Variants in MAN2A1 observed in about 807,000 individuals in gnomAD.
The protein encoded by MAN2A1 is mannosidase alpha class 2A member 1.
Under a neutral mutation model 142.6 loss-of-function variants are expected in MAN2A1, and 76 were observed. That is an observed-to-expected ratio of 0.53 (90% CI 0.44 to 0.65). MAN2A1 has a LOEUF of 0.65. Among genes scored for constraint, MAN2A1 ranks in the 30% least tolerant of loss-of-function variants. MAN2A1 has a pLI of 0.00. For synonymous variants in MAN2A1, 559 were observed against 473.2 expected (o/e 1.18, Z -2.35); for missense variants, 1,311 against 1,365.1 (o/e 0.96, Z 0.62).
chr5:109,693,288 A>C (rs1288571269), intron 1 of MAN2A1, among the ~76,000 whole-genome samples: 1 of 150,942 alleles, frequency 6.6e-6, no homozygotes. Flanking sequence ...TTTTTTTTTC[A>C]CTGCTTCTAA....
chr5:109,707,590 A>T (rs1751170619), intron 1 of MAN2A1, among the ~76,000 whole-genome samples: 1 of 152,206 alleles, frequency 6.6e-6, no homozygotes, highest in East Asian at 1.9e-4. Context: ...ATAAATTGAG[A>T]TAAACCATAA....
At chr5:109,796,150 C>T (rs748896620) in intron 12 of MAN2A1, among the ~76,000 whole-genome samples, 2 of 152,070 alleles carry the variant, frequency 1.3e-5, no homozygotes, top group Admixed American at 6.6e-5. Context: ...TAAATGTTGG[C>T]GAGATGACTG....
chr5:109,867,132 C>A lies in MAN2A1; in HGVS notation c.*134C>A. The A allele has an allele frequency of 1.1e-4, 25 of 229,964 alleles. No homozygotes were observed. Among genetic ancestry groups the A allele is most frequent in the East Asian group, 1.7e-4 (2 of 11,786 alleles). The allele number at this position is 229,964 out of a possible 1,614,324, so 14.2% of individuals were successfully genotyped here. On this transcript the variant is annotated 3_prime_UTR_variant, in exon 22 of 22. Transcript: ENST00000261483. ...AATTCTGTGATTCTGTGGGTTTTTT[C>A]TTTTTTCTTTTACCAGTACAGTAAG...
At position 109,820,490 on chromosome 5, in the gene MAN2A1, TG is replaced by T. The variant is rs2112726140; in HGVS notation, c.2451+149del. 5.6e-6 allele frequency: 4 copies of T among 718,340 alleles called. No homozygotes were observed. In the East Asian group the frequency reaches 1.1e-4, roughly 20 times the overall value. The allele number at this position is 718,340 out of a possible 1,614,324, so 44.5% of individuals were successfully genotyped here. The stretch of plus-strand genomic sequence containing the variant: ...GTTGCAGTATTATCTATCACCTTAT[TG>T]ATACTTAGCAATTTGTAGTCGAAAG... On this transcript the variant is annotated intron_variant, in intron 15 of 21. Transcript: ENST00000261483.
intron 5 of MAN2A1, 102 bp downstream of exon 5, chr5:109,755,558 A>AG: frequency 1.2e-6 from 1 of 859,660 alleles, no homozygotes; most frequent in Non-Finnish European, 1.8e-6. Flanking sequence ...TTTCCCTGTT[A>AG]GTCATTATTG....
rs372240874 is a variant in MAN2A1 at position 109,736,376 on chromosome 5, G to A, written c.707+6863G>A. 6.6e-5 allele frequency among the ~76,000 whole-genome samples: 10 copies of A among 152,174 alleles called. No homozygotes were observed. The South Asian group carries it at 8.3e-4, about 13-fold the overall frequency. On this transcript the variant is annotated intron_variant, in intron 4 of 21. Transcript: ENST00000261483. ...GATTAAGTTTTAAATTTTTTGTCAA[G>A]TGCAGTGGCTAATGGCTATAATCTC...
At chr5:109,823,412 C>T (rs1580289498) in intron 15 of MAN2A1, among the ~76,000 whole-genome samples, 1 of 152,222 alleles carries the variant, frequency 6.6e-6, no homozygotes, top group South Asian at 2.1e-4. Flanking sequence ...AGAATGATTG[C>T]TGTTTCTAAT....
In MAN2A1 at chr5:109,796,835, C is replaced by T. The variant is rs7736319; in HGVS notation, c.1943+7308C>T. ...CTATTATTCACCCACTCTTTTTCTC[C>T]ATCACTGAATCCTCTTTACATCCTT... On this transcript the variant is annotated intron_variant, in intron 12 of 21. Coordinates refer to ENST00000261483, the MANE Select transcript of MAN2A1 (RefSeq NM_002372.4). Among the ~76,000 whole-genome samples the T allele has an allele frequency of 3.2e-3, 493 of 152,270 alleles. 2 individuals are homozygous for T. The highest frequency in any genetic ancestry group is 0.011 in the African/African-American group (451 of 41,556).
At chr5:109,697,505 A>G (rs1750847879) in intron 1 of MAN2A1, among the ~76,000 whole-genome samples, 1 of 152,196 alleles carries the variant, frequency 6.6e-6, no homozygotes, top group South Asian at 2.1e-4. Context: ...TCAGCTAACT[A>G]TGAGTGAAAT....
chr5:109,724,211 A>AT (rs999733359), intron 3 of MAN2A1, among the ~76,000 whole-genome samples: 7 of 152,142 alleles, frequency 4.6e-5, no homozygotes, highest in African/African-American at 1.2e-4. Context: ...CCTGTTCGTC[A>AT]TTTTTTCATA....
intron 12 of MAN2A1, among the ~76,000 whole-genome samples, chr5:109,815,148 T>C (rs965025892): frequency 7.2e-5 from 11 of 152,222 alleles, no homozygotes; most frequent in African/African-American, 2.7e-4. Flanking sequence ...CTTAGAAATA[T>C]AGGACAGTCC....
At chr5:109,746,188 T>C (rs180917756) in intron 4 of MAN2A1, among the ~76,000 whole-genome samples, 43 of 152,300 alleles carry the variant, frequency 2.8e-4, no homozygotes. Flanking sequence ...TTGGCCAGGC[T>C]GGTCTTGAAC....
At chr5:109,855,708 C>T (rs1442530864) in intron 20 of MAN2A1, among the ~76,000 whole-genome samples, 7 of 152,092 alleles carry the variant, frequency 4.6e-5, no homozygotes, top group Non-Finnish European at 8.8e-5. Context: ...TTTGTATTTT[C>T]GTACCTTTCT....
chr5:109,831,804 CATGTGTGTGTGT>C (rs1754913947), intron 16 of MAN2A1, among the ~76,000 whole-genome samples: 1 of 148,400 alleles, frequency 6.7e-6, no homozygotes, highest in African/African-American at 2.5e-5. Flanking sequence ...AAACAAAAAT[CATGTGTGTGTGT>C]GTGTGTGTGT....
intron 1 of MAN2A1, among the ~76,000 whole-genome samples, chr5:109,712,457 A>G (rs1751328458): frequency 6.6e-6 from 1 of 152,190 alleles, no homozygotes; most frequent in Admixed American, 6.5e-5. Flanking sequence ...CTTCCATGAT[A>G]ATGAATCTAT....
rs537238046 is a variant in MAN2A1, at chr5:109,828,526, G to A, written c.2566+4689G>A. ...ATTTGTCTTCAGAGCTGTAATTATT[G>A]GACTTTAGTGTCCTAGTTTCTGATA... On this transcript the variant is annotated intron_variant, in intron 16 of 21. Coordinates refer to ENST00000261483, the MANE Select transcript of MAN2A1 (RefSeq NM_002372.4). Among the ~76,000 whole-genome samples, 103 of 152,246 alleles carry A rather than the reference G, an allele frequency of 6.8e-4. 2 individuals carry two copies. The South Asian group carries it at 0.021, about 31-fold the overall frequency.
At chr5:109,702,372 G>T (rs371253632) in intron 1 of MAN2A1, among the ~76,000 whole-genome samples, 20 of 147,080 alleles carry the variant, frequency 1.4e-4, no homozygotes, top group African/African-American at 5.0e-4. Flanking sequence ...TAGGGAGGAT[G>T]GGCAGCCCGG....
chr5:109,824,627 G>T (rs922115524), intron 16 of MAN2A1, among the ~76,000 whole-genome samples: 1 of 152,144 alleles, frequency 6.6e-6, no homozygotes. Flanking sequence ...TAGCTAAGTT[G>T]AACAAATTAG....
Position 109,869,178 on chromosome 5 carries a change from TTTAA to T in MAN2A1, c.*2182_*2185del, listed in dbSNP as rs1755953789. 1 of 152,228 alleles carries T rather than the reference TTTAA, an allele frequency of 6.6e-6. No homozygotes were observed. Among genetic ancestry groups the T allele is most frequent in the Admixed American group, 6.5e-5 (1 of 15,274 alleles). 9.4% of individuals were successfully genotyped at this position (152,228 alleles called of 1,614,324 possible). On this transcript the variant is annotated 3_prime_UTR_variant, in exon 22 of 22. Transcript: ENST00000261483. ...TTGTAGTCAAAAACTGATTAAATAATTTAATGTCTCTGGCACACACTAAAAACCA... is the reference window on the plus strand; with the variant it reads ...TTGTAGTCAAAAACTGATTAAATAATTGTCTCTGGCACACACTAAAAACCA...
Sources: allele counts gnomAD v4.1 joint callset (sites outside exome capture counted in the v4.1 genomes callset), GRCh38; gene constraint gnomAD v4.1.1; transcripts MANE v1.5; gene names NCBI Gene and HGNC (gene_info 2026-07-23, HGNC 2026-07-21).